DR1: variants seen among roughly 807,000 people sequenced by gnomAD.
The protein encoded by DR1 is protein Dr1.
In DR1, 7 loss-of-function variants were observed where a neutral mutation model predicts 19.9. The observed-to-expected ratio is 0.35, with a 90% CI of 0.20 to 0.66. The LOEUF (loss-of-function observed/expected upper bound fraction) is 0.66. Ranked by LOEUF, DR1 falls within the 30% of genes least tolerant of loss-of-function variation. The probability of loss-of-function intolerance (pLI) is 0.66; values close to 1 mark genes in which losing one functional copy is unlikely to be tolerated. For synonymous variants in DR1, 76 were observed against 72.5 expected (o/e 1.05, Z -0.24); for missense variants, 98 against 203.7 (o/e 0.48, Z 3.16).
rs1476594952 is a variant in DR1, at chr1:93,367,054, TA to T, written c.*6418del. 6.6e-6 allele frequency: 1 copy of T among 150,578 alleles called. No individual in the cohort carries two copies. The highest frequency in any genetic ancestry group is 1.5e-5 in the Non-Finnish European group (1 of 67,964). The allele number at this position is 150,578 out of a possible 1,614,324, so 9.3% of individuals were successfully genotyped here. The stretch of plus-strand genomic sequence containing the variant: ...CAAATGTTTATGGGGTTGTTATTGA[TA>T]AACCCTGCATTAAACAATCCCACAG... On this transcript the variant is annotated 3_prime_UTR_variant, in exon 3 of 3. Transcript: ENST00000370272.
At chr1:93,347,623 G>T (rs1039316195) in intron 1 of DR1, among the ~76,000 whole-genome samples, 3 of 151,692 alleles carry the variant, frequency 2.0e-5, no homozygotes, top group Admixed American at 2.0e-4. Flanking sequence ...GTCCTTTCCT[G>T]CTGTCATTCC....
At chr1:93,347,605 A>G (rs1303316016) in intron 1 of DR1, among the ~76,000 whole-genome samples, 1 of 151,784 alleles carries the variant, frequency 6.6e-6, no homozygotes, top group Non-Finnish European at 1.5e-5. Flanking sequence ...TTAACGGAAA[A>G]TTTCCCCGTC....
At chr1:93,357,002 A>G (rs1018754179) in intron 2 of DR1, among the ~76,000 whole-genome samples, 1 of 152,152 alleles carries the variant, frequency 6.6e-6, no homozygotes, top group Non-Finnish European at 1.5e-5. Context: ...GATTACAGGC[A>G]TGAGCCACCG....
chr1:93,346,905 G>C (rs1268326429), intron 1 of DR1, 40 bp downstream of exon 1: 1 of 1,530,590 alleles, frequency 6.5e-7, no homozygotes, highest in Non-Finnish European at 8.9e-7. Flanking sequence ...GAGGTTCTAG[G>C]GTAGCAGTCT....
Position 93,362,015 on chromosome 1 carries a change from T to C in DR1, c.*1376T>C, listed in dbSNP as rs1335823728. ...AAATTCCTATGTCAGTTGCCAAATC[T>C]TTTAAACTTATGTATTCACCAAGCC... On this transcript the variant is annotated 3_prime_UTR_variant, in exon 3 of 3. Transcript: ENST00000370272. 2 of 152,504 alleles carry C rather than the reference T, an allele frequency of 1.3e-5. No individual in the cohort carries two copies. The highest frequency in any genetic ancestry group is 1.5e-5 in the Non-Finnish European group (1 of 67,898). The allele number at this position is 152,504 out of a possible 1,614,324, so 9.4% of individuals were successfully genotyped here.
chr1:93,368,153 A>G lies in DR1; in HGVS notation c.*7514A>G, dbSNP rs1667189662. On this transcript the variant is annotated 3_prime_UTR_variant, in exon 3 of 3. Coordinates refer to ENST00000370272, the MANE Select transcript of DR1 (RefSeq NM_001938.3). ...TTCCTCTGTGAGGGTAAGTATTGAT[A>G]GTCCAGTCATAGACTGGTAACACAG... 6.6e-6 allele frequency: 1 copy of G among 152,242 alleles called. No homozygotes were observed. The highest frequency in any genetic ancestry group is 2.1e-4 in the South Asian group (1 of 4,834). 9.4% of individuals were successfully genotyped at this position (152,242 alleles called of 1,614,324 possible).
At chr1:93,350,077 C>A (rs558015637) in intron 1 of DR1, among the ~76,000 whole-genome samples, 1 of 152,308 alleles carries the variant, frequency 6.6e-6, no homozygotes, top group South Asian at 2.1e-4. Context: ...AAATTTATCA[C>A]ATAATCAAAT....
intron 2 of DR1, 31 bp from the exon 3 acceptor site, chr1:93,360,462 T>A: frequency 6.5e-7 from 1 of 1,531,104 alleles, no homozygotes; most frequent in African/African-American, 1.4e-5. Flanking sequence ...TGTAAAAAAT[T>A]GTTATTTTTT....
At position 93,360,845 on chromosome 1, in the gene DR1, TATA is replaced by T. The variant is rs1488113824; in HGVS notation, c.*210_*212del. On this transcript the variant is annotated 3_prime_UTR_variant, in exon 3 of 3. Transcript: ENST00000370272. ...GAACTATTGAAAATTTAAGGTTCAG[TATA>T]ATATCAATTTTGAATTTTTAATGGT... 1 of 521,584 alleles carries T rather than the reference TATA, an allele frequency of 1.9e-6. No individual in the cohort carries two copies. Among genetic ancestry groups the T allele is most frequent in the Non-Finnish European group, 3.2e-6 (1 of 313,990 alleles). 32.3% of individuals were successfully genotyped at this position (521,584 alleles called of 1,614,324 possible).
At position 93,362,826 on chromosome 1, in the gene DR1, C is replaced by CTTTTTTTTTTTTTT. The variant is rs55792701; in HGVS notation, c.*2202_*2215dup. On this transcript the variant is annotated 3_prime_UTR_variant, in exon 3 of 3. Transcript: ENST00000370272. ...GCAATATTTTATTTTTAGGTTTTTTCTTTTTTTTTTTTTTTTTTTTTTTTT... is the reference window on the plus strand; with the variant it reads ...GCAATATTTTATTTTTAGGTTTTTTCTTTTTTTTTTTTTTTTTTTTTTTTTTTTTTTTTTTTTTT... The CTTTTTTTTTTTTTT allele has an allele frequency of 1.3e-4, 7 of 52,848 alleles. No individual in the cohort carries two copies. The highest frequency in any genetic ancestry group is 2.0e-4 in the Admixed American group (1 of 5,054). The allele number at this position is 52,848 out of a possible 1,614,324, so 3.3% of individuals were successfully genotyped here.
intron 1 of DR1, 145 bp from the exon 2 acceptor site, chr1:93,353,763 A>G (rs755612980): frequency 1.6e-5 from 9 of 561,168 alleles, no homozygotes; most frequent in Non-Finnish European, 2.7e-5. Context: ...CAGTTGTTGT[A>G]CAACTATAAA....
rs867318778 is a variant in DR1, at chr1:93,362,819, G to A, written c.*2180G>A. On this transcript the variant is annotated 3_prime_UTR_variant, in exon 3 of 3. Coordinates refer to ENST00000370272, the MANE Select transcript of DR1 (RefSeq NM_001938.3). The stretch of plus-strand genomic sequence containing the variant: ...TACTTATGCAATATTTTATTTTTAG[G>A]TTTTTTCTTTTTTTTTTTTTTTTTT... The A allele has an allele frequency of 2.3e-4, 15 of 64,186 alleles. No individual in the cohort carries two copies. The East Asian group carries it at 9.3e-3, about 40-fold the overall frequency. 4.0% of individuals were successfully genotyped at this position (64,186 alleles called of 1,614,324 possible).
At chr1:93,353,464 G>A (rs1384552418) in intron 1 of DR1, among the ~76,000 whole-genome samples, 1 of 152,008 alleles carries the variant, frequency 6.6e-6, no homozygotes, top group Non-Finnish European at 1.5e-5. Context: ...TTGGTATATT[G>A]GACAAAAGAA....
chr1:93,349,945 CCA>C (rs1285698948), intron 1 of DR1, among the ~76,000 whole-genome samples: 2 of 152,088 alleles, frequency 1.3e-5, no homozygotes, highest in African/African-American at 4.8e-5. Context: ...AGTCCATGGA[CCA>C]CAGTTTGAGA....
At chr1:93,348,711 T>C (rs933102105) in intron 1 of DR1, among the ~76,000 whole-genome samples, 2 of 152,146 alleles carry the variant, frequency 1.3e-5, no homozygotes, top group African/African-American at 4.8e-5. Flanking sequence ...ATGATTTGTT[T>C]TTAAAAATCA....
rs1183705289 is a variant in DR1 at position 93,364,036 on chromosome 1, T to C, written c.*3397T>C. 1 of 152,080 alleles carries C rather than the reference T, an allele frequency of 6.6e-6. No homozygotes were observed. The highest frequency in any genetic ancestry group is 2.4e-5 in the African/African-American group (1 of 41,400). The allele number at this position is 152,080 out of a possible 1,614,324, so 9.4% of individuals were successfully genotyped here. A position where few individuals can be genotyped will look rare whatever the true frequency, so the allele number is the denominator to read the frequency against. ...AGAATGGAATTGCCAGGTTGTAGGG[T>C]GTGTATATTTTCAGTTTTAGTATTT... On this transcript the variant is annotated 3_prime_UTR_variant, in exon 3 of 3. Transcript: ENST00000370272.
intron 2 of DR1, among the ~76,000 whole-genome samples, chr1:93,359,502 AG>A (rs1192288547): frequency 2.0e-5 from 3 of 152,222 alleles, no homozygotes; most frequent in Non-Finnish European, 4.4e-5. Flanking sequence ...AAGAAAGACT[AG>A]CTGATTTGCA....
chr1:93,346,608 G>C lies in DR1; in HGVS notation c.-38G>C. The C allele has an allele frequency of 6.3e-7, 1 of 1,583,962 alleles. No homozygotes were observed. Among genetic ancestry groups the C allele is most frequent in the South Asian group, 1.1e-5 (1 of 90,230 alleles). On this transcript the variant is annotated 5_prime_UTR_variant, in exon 1 of 3. Transcript: ENST00000370272. Reference sequence around the variant, plus strand: ...TGGAGTAGTGGACCAGAGCTGGGGAGTTTTTAAAAGCCGGGGCGCGAGAAA... The same window carrying C: ...TGGAGTAGTGGACCAGAGCTGGGGACTTTTTAAAAGCCGGGGCGCGAGAAA...
rs1233601721 is a variant in DR1, at chr1:93,363,411, G to A, written c.*2772G>A. 6.6e-6 allele frequency: 1 copy of A among 152,140 alleles called. No homozygotes were observed. The highest frequency in any genetic ancestry group is 1.5e-5 in the Non-Finnish European group (1 of 68,024). The allele number at this position is 152,140 out of a possible 1,614,324, so 9.4% of individuals were successfully genotyped here. A position where few individuals can be genotyped will look rare whatever the true frequency, so the allele number is the denominator to read the frequency against. On this transcript the variant is annotated 3_prime_UTR_variant, in exon 3 of 3. Coordinates refer to ENST00000370272, the MANE Select transcript of DR1 (RefSeq NM_001938.3). The stretch of plus-strand genomic sequence containing the variant: ...TATTCTTTTATAGTCCTGGAGATCA[G>A]AAGTCCAAAAATCAGTTTCATTAGG...
Sources: allele counts gnomAD v4.1 joint callset (sites outside exome capture counted in the v4.1 genomes callset), GRCh38; gene constraint gnomAD v4.1.1; transcripts MANE v1.5; gene names NCBI Gene and HGNC (gene_info 2026-07-23, HGNC 2026-07-21).